Variants in FSTL5 observed in about 807,000 individuals in gnomAD.
FSTL5 encodes the protein follistatin-related protein 5.
FSTL5 carries 62 observed loss-of-function variants against 89.1 expected under a neutral mutation model. That is an observed-to-expected ratio of 0.70 (90% CI 0.57 to 0.86). The LOEUF (loss-of-function observed/expected upper bound fraction) is 0.86. FSTL5 is among the 40% of genes least tolerant of loss of function. The pLI is 0.00. For missense variants in FSTL5, 1,057 were observed against 1,001.6 expected (o/e 1.06, Z -0.75); for synonymous variants, 383 against 346.2 (o/e 1.11, Z -1.18).
chr4:161,842,261 T>C (rs1731233618), intron 4 of FSTL5, among the ~76,000 whole-genome samples: 1 of 152,146 alleles, frequency 6.6e-6, no homozygotes, highest in Non-Finnish European at 1.5e-5. Context: ...TTATATAATT[T>C]CAAACATCTG....
chr4:161,847,768 G>A (rs1328054920), intron 4 of FSTL5, among the ~76,000 whole-genome samples: 2 of 151,972 alleles, frequency 1.3e-5, no homozygotes, highest in African/African-American at 4.8e-5. Context: ...CAGGTGCGGT[G>A]GCACACTCCT....
rs1730251357 is a variant in FSTL5, at chr4:161,500,272, GACCCTT to G, written c.1340-144_1340-139del. ...AATGTTAATAAAGCAAACCATATGG[GACCCTT>G]ACTGTATACTCGCACCACTTTGTGA... On this transcript the variant is annotated intron_variant, in intron 11 of 15. Coordinates refer to ENST00000306100, the MANE Select transcript of FSTL5 (RefSeq NM_020116.5). 18 of 575,966 alleles carry G rather than the reference GACCCTT, an allele frequency of 3.1e-5. 1 individual carries two copies. The South Asian group carries it at 4.0e-4, about 13-fold the overall frequency. The allele number at this position is 575,966 out of a possible 1,614,324, so 35.7% of individuals were successfully genotyped here.
chr4:161,758,207 A>G (rs1740645008), intron 6 of FSTL5, among the ~76,000 whole-genome samples: 1 of 152,008 alleles, frequency 6.6e-6, no homozygotes, highest in African/African-American at 2.4e-5. Flanking sequence ...ATGAATTTTT[A>G]AGAAGAAAAA....
At chr4:161,536,232 A>G (rs1731611503) in intron 10 of FSTL5, among the ~76,000 whole-genome samples, 1 of 152,286 alleles carries the variant, frequency 6.6e-6, no homozygotes, top group African/African-American at 2.4e-5. Context: ...CACTCTTTAT[A>G]ATAAAATTTG....
intron 8 of FSTL5, among the ~76,000 whole-genome samples, chr4:161,550,593 A>ATTTAT (rs376207816): frequency 7.3e-6 from 1 of 136,164 alleles, no homozygotes; most frequent in Non-Finnish European, 1.6e-5. Context: ...TTATTTATTT[A>ATTTAT]TTATTATACT....
intron 3 of FSTL5, among the ~76,000 whole-genome samples, chr4:162,011,081 C>T (rs1736753419): frequency 6.6e-6 from 1 of 152,126 alleles, no homozygotes; most frequent in Non-Finnish European, 1.5e-5. Context: ...GAAGGCAGAA[C>T]ACATCTGATG....
intron 2 of FSTL5, among the ~76,000 whole-genome samples, chr4:162,080,725 A>G (rs1219612552): frequency 1.3e-5 from 2 of 151,640 alleles, no homozygotes; most frequent in African/African-American, 2.4e-5. Flanking sequence ...GAATCTGGAT[A>G]AAAGCCCCCA....
chr4:161,426,936 A>C (rs1301768502), intron 15 of FSTL5, among the ~76,000 whole-genome samples: 1 of 152,222 alleles, frequency 6.6e-6, no homozygotes, highest in East Asian at 1.9e-4. Context: ...CATCAATACT[A>C]TGACAACAGA....
At chr4:161,583,688 G>A (rs1233473863) in intron 8 of FSTL5, among the ~76,000 whole-genome samples, 1 of 152,056 alleles carries the variant, frequency 6.6e-6, no homozygotes, top group Non-Finnish European at 1.5e-5. Flanking sequence ...AGGACATTTG[G>A]GCTGCTTAAA....
intron 6 of FSTL5, among the ~76,000 whole-genome samples, chr4:161,658,454 G>T (rs1392407423): frequency 1.3e-5 from 2 of 148,312 alleles, no homozygotes; most frequent in Admixed American, 1.3e-4. Flanking sequence ...GTGAGAATCC[G>T]TCTCAAAAAA....
intron 3 of FSTL5, among the ~76,000 whole-genome samples, chr4:162,031,018 T>C (rs554371174): frequency 1.3e-5 from 2 of 152,322 alleles, no homozygotes; most frequent in South Asian, 4.1e-4. Flanking sequence ...GTTTTATCTG[T>C]TGTGTTACTG....
chr4:162,031,637 T>G (rs1292872517), intron 3 of FSTL5, among the ~76,000 whole-genome samples: 1 of 152,124 alleles, frequency 6.6e-6, no homozygotes, highest in African/African-American at 2.4e-5. Context: ...TCTGATTTAC[T>G]TAAAAGCCAG....
At position 161,926,939 on chromosome 4, in the gene FSTL5, G is replaced by T. The variant is rs981863041; in HGVS notation, c.161-6287C>A. Among the ~76,000 whole-genome samples, 2 of 151,678 alleles carry T rather than the reference G, an allele frequency of 1.3e-5. 1 individual carries two copies. Among genetic ancestry groups the T allele is most frequent in the African/African-American group, 4.8e-5 (2 of 41,370 alleles). On this transcript the variant is annotated intron_variant, in intron 3 of 15. Coordinates refer to ENST00000306100, the MANE Select transcript of FSTL5 (RefSeq NM_020116.5). ...ACTACTTTAACATTATAAATAGATT[G>T]GTAGATACAGAGACAGAAAGACACG...
intron 4 of FSTL5, among the ~76,000 whole-genome samples, chr4:161,805,387 A>T (rs1729933145): frequency 6.6e-6 from 1 of 152,174 alleles, no homozygotes; most frequent in South Asian, 2.1e-4. Flanking sequence ...TTAGAAAACC[A>T]CTGAAGCATT....
At chr4:162,052,093 G>T (rs1001406908) in intron 2 of FSTL5, among the ~76,000 whole-genome samples, 9 of 151,586 alleles carry the variant, frequency 5.9e-5, no homozygotes, top group Admixed American at 3.3e-4. Context: ...TAAACAAAAT[G>T]TAGAATGAAT....
rs1292113412 is a variant in FSTL5, at chr4:161,435,126, A to G, written c.1841+19878T>C. 2.6e-5 allele frequency among the ~76,000 whole-genome samples: 4 copies of G among 152,274 alleles called. No homozygotes were observed. The East Asian group carries it at 5.8e-4, about 22-fold the overall frequency. On this transcript the variant is annotated intron_variant, in intron 15 of 15. Coordinates refer to ENST00000306100, the MANE Select transcript of FSTL5 (RefSeq NM_020116.5). ...ATTTTGAAGAGATACCTACACTCCT[A>G]TGTTTTTTGCAACACTGTTCACAAT...
intron 2 of FSTL5, among the ~76,000 whole-genome samples, chr4:162,079,715 T>C (rs1346158859): frequency 6.6e-6 from 1 of 151,304 alleles, no homozygotes; most frequent in Non-Finnish European, 1.5e-5. Flanking sequence ...AGGAGAAGGA[T>C]TTAGGAAGGC....
At chr4:161,797,548 A>G (rs549172060) in intron 4 of FSTL5, among the ~76,000 whole-genome samples, 3 of 151,616 alleles carry the variant, frequency 2.0e-5, no homozygotes, top group Non-Finnish European at 4.4e-5. Flanking sequence ...ATTCTCCAAA[A>G]TTAGAAATTG....
intron 3 of FSTL5, among the ~76,000 whole-genome samples, chr4:161,950,255 A>G (rs555711418): frequency 2.0e-5 from 3 of 152,300 alleles, no homozygotes; most frequent in South Asian, 4.1e-4. Context: ...AACATTCTTT[A>G]GAATGTTTTA....
Sources: allele counts gnomAD v4.1 joint callset (sites outside exome capture counted in the v4.1 genomes callset), GRCh38; gene constraint gnomAD v4.1.1; transcripts MANE v1.5; gene names NCBI Gene and HGNC (gene_info 2026-07-23, HGNC 2026-07-21).